The following PPFIA3 variants were observed in gnomAD, a reference collection of about 807,000 sequenced individuals.
PPFIA3 encodes PPFI scaffold protein A3.
Under a neutral mutation model 145.8 loss-of-function variants are expected in PPFIA3, and 26 were observed. The observed-to-expected ratio is 0.18, with a 90% CI of 0.13 to 0.25. The LOEUF is 0.25. Ranked by LOEUF, PPFIA3 falls within the 10% of genes least tolerant of loss-of-function variation. PPFIA3 has a pLI of 1.00. For synonymous variants in PPFIA3, 645 were observed against 661.4 expected, an observed-to-expected ratio of 0.98 and a Z score of 0.38; for missense variants, 1,008 against 1,587.8, an observed-to-expected ratio of 0.63 and a Z score of 6.21.
At position 49,128,531 on chromosome 19, in the gene PPFIA3, CG is replaced by C; in HGVS notation, c.342+67del. The stretch of plus-strand genomic sequence containing the variant: ...GGCCTCGTGGTGTTGAAGTGGGGGG[CG>C]GGGCCTCTCAGTGTTGCAGCGTGAC... On this transcript the variant is annotated intron_variant, in intron 3 of 29. Transcript: ENST00000334186. The surrounding 1 kb of genome is among the most constrained non-coding windows in gnomAD (Gnocchi z 4.1). The C allele has an allele frequency of 7.2e-7, 1 of 1,384,654 alleles. No individual in the cohort carries two copies. The allele number at this position is 1,384,654 out of a possible 1,614,324, so 85.8% of individuals were successfully genotyped here.
chr19:49,139,985 C>T lies in PPFIA3; in HGVS notation c.2265C>T (p.His755=). ...RGSEGTPDSL[H]KAPKKKSIKS... is the part of the protein sequence containing the mutation. ...GTGAGGGCACCCCAGATTCTCTGCACAAAGCCCCCAAGAAGAAGAGCATCA... is the reference window on the plus strand; with the variant it reads ...GTGAGGGCACCCCAGATTCTCTGCATAAAGCCCCCAAGAAGAAGAGCATCA... The change falls in exon 18 of 30, where the codon CAC becomes CAT. Residue 755 remains histidine, a synonymous_variant. Coordinates refer to ENST00000334186, the MANE Select transcript of PPFIA3 (RefSeq NM_003660.4). 3 of 1,614,172 alleles carry T rather than the reference C, an allele frequency of 1.9e-6. No individual in the cohort carries two copies. Among genetic ancestry groups the T allele is most frequent in the Non-Finnish European group, 2.5e-6 (3 of 1,180,044 alleles).
chr19:49,122,189 T>C (rs912600816), intron 1 of PPFIA3, among the ~76,000 whole-genome samples: 2 of 151,606 alleles, frequency 1.3e-5, no homozygotes, highest in African/African-American at 4.9e-5. Context: ...CAAGCGATTC[T>C]CCTGCCTCAG....
Position 49,146,224 on chromosome 19 carries a change from G to C in PPFIA3, c.2835+32G>C, listed in dbSNP as rs1337975565. The C allele has an allele frequency of 1.9e-6, 3 of 1,611,114 alleles. No individual in the cohort carries two copies. In the Admixed American group the frequency reaches 5.0e-5, roughly 27 times the overall value. Reference sequence around the variant, plus strand: ...GGCGCGGGGCGGGGCGTGAGCGCATGAACAGGCTGTGCACGACGCATGGAT... The same window carrying C: ...GGCGCGGGGCGGGGCGTGAGCGCATCAACAGGCTGTGCACGACGCATGGAT... On this transcript the variant is annotated intron_variant, in intron 23 of 29. Transcript: ENST00000334186.
chr19:49,137,324 C>T (rs2041150770), intron 15 of PPFIA3: 1 of 159,044 alleles, frequency 6.3e-6, no homozygotes, highest in Admixed American at 6.5e-5. Flanking sequence ...ACATGCTAAT[C>T]AAAAACTTCA....
chr19:49,130,053 G>T lies in PPFIA3; in HGVS notation c.643G>T (p.Asp215Tyr), dbSNP rs2041049652. 3 of 1,612,726 alleles carry T rather than the reference G, an allele frequency of 1.9e-6. No individual in the cohort carries two copies. The highest frequency in any genetic ancestry group is 2.5e-6 in the Non-Finnish European group (3 of 1,179,600). ...GTCAGGGCTGGAAGAGCCGGGCAAG[G>T]ATGGGGATGGGCAGGTGAGACATGG... is the stretch of plus-strand genomic sequence containing the variant. ...RRSGLEEPGK[D>Y]GDGQTLANGL... Residue 215 changes from aspartate to tyrosine, a missense_variant, in exon 6 of 30, where the codon GAT becomes TAT. Asp to Tyr is a radical substitution (Grantham distance 160). Coordinates refer to ENST00000334186, the MANE Select transcript of PPFIA3 (RefSeq NM_003660.4). The surrounding 1 kb of genome is among the most constrained non-coding windows in gnomAD (Gnocchi z 4.5).
chr19:49,142,097 C>A lies in PPFIA3; in HGVS notation c.2526C>A (p.Thr842=), dbSNP rs973825178. The A allele has an allele frequency of 3.2e-6, 5 of 1,574,246 alleles. No individual in the cohort carries two copies. The highest frequency in any genetic ancestry group is 2.7e-5 in the African/African-American group (2 of 74,400). ...GLPFAAWDGP[T]VVSWLELWVG... is the part of the protein sequence containing the mutation. The stretch of plus-strand genomic sequence containing the variant: ...CTTTTGCTGCCTGGGACGGGCCCAC[C>A]GTGGTGTCCTGGCTGGAGGTACTGG... The change falls in exon 20 of 30, where the codon ACC becomes ACA. Residue 842 remains threonine, a synonymous_variant. Coordinates refer to ENST00000334186, the MANE Select transcript of PPFIA3 (RefSeq NM_003660.4).
chr19:49,139,359 C>T (rs1463382823), intron 16 of PPFIA3, among the ~76,000 whole-genome samples: 3 of 150,728 alleles, frequency 2.0e-5, no homozygotes, highest in African/African-American at 7.3e-5. Flanking sequence ...CATGGTGGCA[C>T]ATGCCTTTAA....
intron 1 of PPFIA3, among the ~76,000 whole-genome samples, chr19:49,126,424 G>T (rs1382184124): frequency 6.6e-6 from 1 of 151,732 alleles, no homozygotes; most frequent in Non-Finnish European, 1.5e-5. Context: ...AATTTTTTTT[G>T]TATTTTTAGT....
At position 49,147,285 on chromosome 19, in the gene PPFIA3, C is replaced by T. The variant is rs1263703629; in HGVS notation, c.2836-798C>T. On this transcript the variant is annotated intron_variant, in intron 23 of 29. Coordinates refer to ENST00000334186, the MANE Select transcript of PPFIA3 (RefSeq NM_003660.4). ...CCAAATTTAATGTGTAGTGGGGTGG[C>T]ACACACCTGTAGTCTCAGCTACTTG... 1.3e-5 allele frequency among the ~76,000 whole-genome samples: 2 copies of T among 152,078 alleles called. 1 individual carries two copies.
intron 23 of PPFIA3, among the ~76,000 whole-genome samples, chr19:49,147,459 G>A (rs1219088367): frequency 6.6e-6 from 1 of 152,204 alleles, no homozygotes; most frequent in Admixed American, 6.5e-5. Context: ...GCTGAGGTGG[G>A]CGGATCCCTT....
In PPFIA3 at chr19:49,149,923, T is replaced by A. The variant is rs952657121; in HGVS notation, c.3527-157T>A. On this transcript the variant is annotated intron_variant, in intron 28 of 29. Transcript: ENST00000334186. This position sits in a 1 kb window ranked among gnomAD's most constrained non-coding sequence, Gnocchi z 5.7. Reference sequence around the variant, plus strand: ...CCAGGGCGGGAGTGAACTCGCCCAATGCGAGTTTGAGTCCTTGGCTGCGGG... The same window carrying A: ...CCAGGGCGGGAGTGAACTCGCCCAAAGCGAGTTTGAGTCCTTGGCTGCGGG... The A allele has an allele frequency of 6.2e-6, 7 of 1,122,382 alleles. No homozygotes were observed. The highest frequency in any genetic ancestry group is 8.8e-6 in the Non-Finnish European group (7 of 794,000). 69.5% of individuals were successfully genotyped at this position (1,122,382 alleles called of 1,614,324 possible).
chr19:49,145,614 C>T, intron 21 of PPFIA3: 1 of 372,896 alleles, frequency 2.7e-6, no homozygotes, highest in Non-Finnish European at 5.0e-6. Context: ...TAAACATTTG[C>T]ACCATGGCTG....
chr19:49,140,146 T>G, intron 18 of PPFIA3, 58 bp downstream of exon 18: 2 of 1,564,610 alleles, frequency 1.3e-6, no homozygotes, highest in Non-Finnish European at 1.8e-6. Flanking sequence ...CCTCCCTCCC[T>G]TTCTTTCTTC....
At position 49,127,879 on chromosome 19, in the gene PPFIA3, G is replaced by A. The variant is rs986153672; in HGVS notation, c.6G>A (p.Met2Ile). 1.3e-6 allele frequency: 2 copies of A among 1,592,938 alleles called. No homozygotes were observed. Among genetic ancestry groups the A allele is most frequent in the Non-Finnish European group, 8.5e-7 (1 of 1,178,020 alleles). MMCEVMPTISED... is the reference protein window; with the variant it reads MICEVMPTISED... ...CGCAGGCCCGCACCGCCGCCATGATGTGCGAGGTGATGCCCACCATCAGCG... is the reference window on the plus strand; with the variant it reads ...CGCAGGCCCGCACCGCCGCCATGATATGCGAGGTGATGCCCACCATCAGCG... The change falls in exon 2 of 30, where the codon ATG becomes ATA. Residue 2 changes from methionine (M) to isoleucine (I), a missense_variant. Transcript: ENST00000334186.
At chr19:49,129,221 G>A (rs2041039700) in intron 4 of PPFIA3, among the ~76,000 whole-genome samples, 159 bp from the exon 5 acceptor site, 1 of 152,350 alleles carries the variant, frequency 6.6e-6, no homozygotes, top group Middle Eastern at 3.4e-3. Flanking sequence ...ACAGTGGATG[G>A]GGCAGATTGG....
chr19:49,121,121 A>G (rs539363733), intron 1 of PPFIA3, among the ~76,000 whole-genome samples: 39 of 152,168 alleles, frequency 2.6e-4, no homozygotes, highest in African/African-American at 9.2e-4. Flanking sequence ...TCTTTCCCCT[A>G]AGATGCAGCT....
At position 49,128,465 on chromosome 19, in the gene PPFIA3, G is replaced by A. The variant is rs372634830; in HGVS notation, c.339G>A (p.Thr113=). 2.0e-5 allele frequency: 32 copies of A among 1,608,438 alleles called. No individual in the cohort carries two copies. The African/African-American group carries it at 3.8e-4, about 19-fold the overall frequency. The change falls in exon 3 of 30, where the codon ACG becomes ACA. Residue 113 remains threonine (T), a synonymous_variant. Transcript: ENST00000334186. This position sits in a 1 kb window ranked among gnomAD's most constrained non-coding sequence, Gnocchi z 4.1. ...IAELKAERNN[T]RLLLEHLECL... is the part of the protein sequence containing the mutation. ...AGCTGAAGGCGGAACGGAACAACAC[G>A]CGGGTGAGGGGTGTTGAGGGCGGGG...
Position 49,149,411 on chromosome 19 carries a change from GT to G in PPFIA3, c.3354+87del. 1 of 1,591,998 alleles carries G rather than the reference GT, an allele frequency of 6.3e-7. No individual in the cohort carries two copies. Among genetic ancestry groups the G allele is most frequent in the Non-Finnish European group, 8.6e-7 (1 of 1,160,728 alleles). On this transcript the variant is annotated intron_variant, in intron 27 of 29. Coordinates refer to ENST00000334186, the MANE Select transcript of PPFIA3 (RefSeq NM_003660.4). The surrounding 1 kb of genome is among the most constrained non-coding windows in gnomAD (Gnocchi z 5.7). ...AGGGGGCGGGGCCTGACTATTAATGGTCACGGTTGGAGGCGGGGCCAGGAGA... is the reference window on the plus strand; with the variant it reads ...AGGGGGCGGGGCCTGACTATTAATGGCACGGTTGGAGGCGGGGCCAGGAGA...
intron 1 of PPFIA3, among the ~76,000 whole-genome samples, chr19:49,124,895 T>C (rs2122526073): frequency 6.6e-6 from 1 of 152,214 alleles, no homozygotes; most frequent in South Asian, 2.1e-4. Context: ...GAAACCCGTC[T>C]CTACTAAACA....
Sources: gnomAD v4.1 joint callset for allele counts (sites outside exome capture counted in the v4.1 genomes callset) on GRCh38, gnomAD v4.1.1 for gene constraint, Gnocchi (gnomAD v3.1) non-coding constraint, MANE v1.5 for transcripts, NCBI Gene and HGNC (gene_info 2026-07-23, HGNC 2026-07-21) for gene names.